C10orf67: variants seen among roughly 807,000 people sequenced by gnomAD.
The protein encoded by C10orf67 is uncharacterized protein C10orf67, mitochondrial.
A neutral mutation model predicts 35.6 loss-of-function variants in C10orf67; 60 were observed. That is an observed-to-expected ratio of 1.68 (90% CI 1.37 to 2.09). C10orf67 has a LOEUF of 2.09. C10orf67 is among the 30% of genes most tolerant of loss of function. The pLI, the probability that C10orf67 is intolerant of heterozygous loss-of-function variation, is 0.00. For missense variants in C10orf67, 474 were observed against 330.2 expected (o/e 1.44, Z -3.38); for synonymous variants, 167 against 115.8 (o/e 1.44, Z -2.84).
At position 23,344,604 on chromosome 10, in the gene C10orf67, C is replaced by G. The variant is rs2132435237; in HGVS notation, c.171G>C (p.Arg57=). The change falls in exon 1 of 16, where the codon CGG becomes CGC. Residue 57 remains arginine (R), a synonymous_variant. Transcript: ENST00000636213. ...VCCARRKREA[R]EFKPPQMRGS... is the part of the protein sequence containing the mutation. ...CGCGCATTTGCGGGGGCTTGAATTC[C>G]CGAGCTTCTCGCTTCCTACGCGCGC... 1 of 1,581,872 alleles carries G rather than the reference C, an allele frequency of 6.3e-7. No homozygotes were observed. The highest frequency in any genetic ancestry group is 1.3e-5 in the African/African-American group (1 of 74,284).
chr10:23,213,262 C>A lies in C10orf67; in HGVS notation c.1571-9007G>T, dbSNP rs1012626195. Among the ~76,000 whole-genome samples, 3 of 152,104 alleles carry A rather than the reference C, an allele frequency of 2.0e-5. No homozygotes were observed. The South Asian group carries it at 6.2e-4, about 31-fold the overall frequency. ...GGCATGGAGAAGAGATTGAGAGGTG[C>A]TCCAGAAGAAATCAGCATAGAAAAT... is the stretch of plus-strand genomic sequence containing the variant. On this transcript the variant is annotated intron_variant, in intron 15 of 15. Transcript: ENST00000636213.
chr10:23,323,952 T>TATATACACAC (rs1564513730), intron 2 of C10orf67, among the ~76,000 whole-genome samples: 50 of 64,644 alleles, frequency 7.7e-4, no homozygotes, highest in Non-Finnish European at 1.2e-3. Context: ...TATATATATA[T>TATATACACAC]ACACACACAC....
intron 1 of C10orf67, among the ~76,000 whole-genome samples, chr10:23,334,352 T>C (rs1204575483): frequency 2.0e-5 from 3 of 152,240 alleles, no homozygotes; most frequent in South Asian, 2.1e-4. Flanking sequence ...CTCTGTCAAT[T>C]TGATCAAACT....
At chr10:23,292,894 AAAC>A (rs1405564395) in intron 5 of C10orf67, among the ~76,000 whole-genome samples, 1 of 152,226 alleles carries the variant, frequency 6.6e-6, no homozygotes, top group Non-Finnish European at 1.5e-5. Context: ...AGTAGTTAAT[AAAC>A]AACACTGTTT....
chr10:23,229,477 AATGTAAATG>A (rs1841844997), intron 13 of C10orf67, among the ~76,000 whole-genome samples: 1 of 151,484 alleles, frequency 6.6e-6, no homozygotes, highest in Non-Finnish European at 1.5e-5. Flanking sequence ...AGATATACCT[AATGTAAATG>A]ATGAGTTAAC....
chr10:23,308,697 C>T lies in C10orf67; in HGVS notation c.547-5238G>A, dbSNP rs11013378. On this transcript the variant is annotated intron_variant, in intron 4 of 15. Coordinates refer to ENST00000636213, the MANE Select transcript of C10orf67 (RefSeq NM_001371909.1). ...GCAGACCAGCTCTGTCAGCTTGGGACCTTGAACAAGTTTCTTAAACCCCGA... is the reference window on the plus strand; with the variant it reads ...GCAGACCAGCTCTGTCAGCTTGGGATCTTGAACAAGTTTCTTAAACCCCGA... 0.06 allele frequency among the ~76,000 whole-genome samples: 9,059 copies of T among 152,016 alleles called. 1,225 individuals are homozygous for T. The East Asian group carries it at 0.62, about 10-fold the overall frequency.
At chr10:23,271,845 A>G (rs2132212617) in intron 8 of C10orf67, among the ~76,000 whole-genome samples, 1 of 152,270 alleles carries the variant, frequency 6.6e-6, no homozygotes, top group Middle Eastern at 3.4e-3. Flanking sequence ...TATTTTGCAA[A>G]TATTTCCTCC....
In C10orf67 at chr10:23,251,558, G is replaced by A. The variant is rs553634875; in HGVS notation, c.1201-867C>T. ...CATATCATGAATGAGAGAGACTTCC[G>A]TGGATGTGGCAGAGATGTGCTACAG... On this transcript the variant is annotated intron_variant, in intron 10 of 15. Coordinates refer to ENST00000636213, the MANE Select transcript of C10orf67 (RefSeq NM_001371909.1). Among the ~76,000 whole-genome samples the A allele has an allele frequency of 2.0e-5, 3 of 152,190 alleles. No homozygotes were observed. The South Asian group carries it at 6.2e-4, about 32-fold the overall frequency.
chr10:23,319,421 G>A (rs1292827839), intron 4 of C10orf67, among the ~76,000 whole-genome samples: 1 of 152,104 alleles, frequency 6.6e-6, no homozygotes, highest in African/African-American at 2.4e-5. Flanking sequence ...TGGGCATCTA[G>A]GTTAATTTCA....
At chr10:23,268,480 A>T (rs1842940627) in intron 8 of C10orf67, among the ~76,000 whole-genome samples, 1 of 152,180 alleles carries the variant, frequency 6.6e-6, no homozygotes, top group Admixed American at 6.5e-5. Flanking sequence ...CTAACCATTA[A>T]TCTCATTGGC....
chr10:23,288,524 A>T (rs1843613377), intron 7 of C10orf67, among the ~76,000 whole-genome samples: 1 of 152,102 alleles, frequency 6.6e-6, no homozygotes, highest in Non-Finnish European at 1.5e-5. Context: ...GGTGCAACAA[A>T]CCACCATGGC....
chr10:23,203,891 CG>C lies in C10orf67; in HGVS notation c.*281del. 1 of 281,560 alleles carries C rather than the reference CG, an allele frequency of 3.6e-6. No homozygotes were observed. Among genetic ancestry groups the C allele is most frequent in the Non-Finnish European group, 6.5e-6 (1 of 152,964 alleles). 17.4% of individuals were successfully genotyped at this position (281,560 alleles called of 1,614,324 possible). A position where few individuals can be genotyped will look rare whatever the true frequency, so the allele number is the denominator to read the frequency against. On this transcript the variant is annotated 3_prime_UTR_variant, in exon 16 of 16. Coordinates refer to ENST00000636213, the MANE Select transcript of C10orf67 (RefSeq NM_001371909.1). ...AGACGCCTGGGCTCTTCTGAGTCCC[CG>C]GAGCTCCTGAATGGATGTGGTTGCC...
Position 23,267,218 on chromosome 10 carries a change from T to A in C10orf67, c.1012A>T (p.Lys338Ter). 1.4e-6 allele frequency: 1 copy of A among 716,222 alleles called. No individual in the cohort carries two copies. 44.4% of individuals were successfully genotyped at this position (716,222 alleles called of 1,614,324 possible). Reference sequence around the variant, plus strand: ...ACCTTTACACTTAAGCTGCCATACTTTTTTCTCATTTCCTTGTCCTCTTTC... The same window carrying A: ...ACCTTTACACTTAAGCTGCCATACTATTTTCTCATTTCCTTGTCCTCTTTC... ...KQKEDKEMRK[K>*]YGSLSVKVAR... is the part of the protein sequence containing the mutation. The change falls in exon 9 of 16, where the codon AAG becomes TAG. Residue 338 changes from lysine (K) to a stop codon, truncating the protein, a stop_gained. Coordinates refer to ENST00000636213, the MANE Select transcript of C10orf67 (RefSeq NM_001371909.1). LOFTEE classifies it high-confidence loss of function.
chr10:23,324,456 C>T (rs116817846), intron 2 of C10orf67, among the ~76,000 whole-genome samples: 159 of 152,190 alleles, frequency 1.0e-3, no homozygotes, highest in African/African-American at 3.7e-3. Context: ...CTCTCAAGGC[C>T]ACATATGGTT....
intron 4 of C10orf67, among the ~76,000 whole-genome samples, chr10:23,316,367 A>G (rs776193025): frequency 2.0e-5 from 3 of 152,228 alleles, no homozygotes; most frequent in Non-Finnish European, 4.4e-5. Flanking sequence ...GGAACTGCAG[A>G]GCCCCAAAGA....
intron 2 of C10orf67, among the ~76,000 whole-genome samples, chr10:23,323,486 T>G (rs1390265386): frequency 6.6e-6 from 1 of 150,988 alleles, no homozygotes; most frequent in African/African-American, 2.4e-5. Flanking sequence ...AAAAGAGAGA[T>G]CTAAAAAAAA....
chr10:23,246,150 G>T (rs1389999855), intron 12 of C10orf67, among the ~76,000 whole-genome samples: 1 of 152,142 alleles, frequency 6.6e-6, no homozygotes, highest in Non-Finnish European at 1.5e-5. Context: ...GCAAAACATT[G>T]AGGACACATA....
chr10:23,333,166 C>A lies in C10orf67; in HGVS notation c.223G>T (p.Asp75Tyr). The A allele has an allele frequency of 1.2e-6, 2 of 1,604,140 alleles. No individual in the cohort carries two copies. Among genetic ancestry groups the A allele is most frequent in the South Asian group, 1.1e-5 (1 of 89,690 alleles). The part of the protein sequence containing the change: ...RGSTRLNISD[D>Y]LKIGFFSTDH... ...GTGCTGAAAAAGCCAATCTTTAAAT[C>A]ATCTGAAATGTTAAGTCTGAAAACA... The change falls in exon 2 of 16, where the codon GAT (aspartate) becomes TAT (tyrosine). Residue 75 changes from aspartate to tyrosine, a missense_variant. Asp to Tyr is a radical substitution (Grantham distance 160). Coordinates refer to ENST00000636213, the MANE Select transcript of C10orf67 (RefSeq NM_001371909.1).
chr10:23,307,253 T>C (rs1220368369), intron 4 of C10orf67, among the ~76,000 whole-genome samples: 1 of 152,262 alleles, frequency 6.6e-6, no homozygotes, highest in East Asian at 1.9e-4. Flanking sequence ...GTTTGGACTC[T>C]TTTTGAAATT....
Sources: gnomAD v4.1 joint callset for allele counts (sites outside exome capture counted in the v4.1 genomes callset) on GRCh38, gnomAD v4.1.1 for gene constraint, MANE v1.5 for transcripts, NCBI Gene and HGNC (gene_info 2026-07-23, HGNC 2026-07-21) for gene names.